TTC7B: variants seen among roughly 807,000 people sequenced by gnomAD.
TTC7B encodes the protein tetratricopeptide repeat protein 7B.
A neutral mutation model predicts 106.8 loss-of-function variants in TTC7B; 28 were observed. That is an observed-to-expected ratio of 0.26 (90% confidence interval 0.19 to 0.36). TTC7B has a LOEUF of 0.36. Ranked by LOEUF, TTC7B falls within the 10% of genes least tolerant of loss-of-function variation. The pLI, the probability that TTC7B is intolerant of heterozygous loss-of-function variation, is 1.00. For missense variants in TTC7B, 862 were observed against 1,076.4 expected, an observed-to-expected ratio of 0.80 and a Z score of 2.79; for synonymous variants, 405 against 430.6, an observed-to-expected ratio of 0.94 and a Z score of 0.74.
At chr14:90,669,741 C>T (rs569670836) in intron 9 of TTC7B, among the ~76,000 whole-genome samples, 1 of 152,286 alleles carries the variant, frequency 6.6e-6, no homozygotes, top group Admixed American at 6.5e-5. Context: ...CACATCACAC[C>T]TACCAGAATG....
Position 90,533,853 on chromosome 14 carries a change from G to C in TTC7B, c.*7515C>G, listed in dbSNP as rs1889348104. On this transcript the variant is annotated 3_prime_UTR_variant, in exon 20 of 20. Transcript: ENST00000328459. ...ACCACCTTCCTGCCACCTCTCCATAGTCAGCCCCACTCAGGGCTTGAGTGT... is the reference window on the plus strand; with the variant it reads ...ACCACCTTCCTGCCACCTCTCCATACTCAGCCCCACTCAGGGCTTGAGTGT... The C allele has an allele frequency of 6.6e-6, 1 of 152,448 alleles. No homozygotes were observed. Among genetic ancestry groups the C allele is most frequent in the South Asian group, 2.1e-4 (1 of 4,834 alleles). 9.4% of individuals were successfully genotyped at this position (152,448 alleles called of 1,614,324 possible). A position where few individuals can be genotyped will look rare whatever the true frequency, so the allele number is the denominator to read the frequency against.
chr14:90,620,142 C>A (rs1301321856), intron 15 of TTC7B, among the ~76,000 whole-genome samples: 1 of 152,028 alleles, frequency 6.6e-6, no homozygotes, highest in Non-Finnish European at 1.5e-5. Flanking sequence ...GCTGCAGCCT[C>A]CCCATGCCTG....
chr14:90,679,873 A>T (rs1399827956), intron 8 of TTC7B, among the ~76,000 whole-genome samples: 1 of 152,228 alleles, frequency 6.6e-6, no homozygotes, highest in Non-Finnish European at 1.5e-5. Context: ...GTTTCAAAGG[A>T]ATCAGAGGGT....
intron 9 of TTC7B, among the ~76,000 whole-genome samples, chr14:90,667,080 C>T (rs545280463): frequency 6.6e-6 from 1 of 152,242 alleles, no homozygotes; most frequent in Admixed American, 6.5e-5. Flanking sequence ...TTTTCAGTCT[C>T]TCTTCCCTGG....
At chr14:90,556,478 C>T (rs1298223823) in intron 19 of TTC7B, among the ~76,000 whole-genome samples, 1 of 152,132 alleles carries the variant, frequency 6.6e-6, no homozygotes. Context: ...TAACACAGCC[C>T]CTCTTGCTGG....
chr14:90,782,540 A>G (rs1303446863), intron 2 of TTC7B, among the ~76,000 whole-genome samples: 1 of 152,200 alleles, frequency 6.6e-6, no homozygotes, highest in Non-Finnish European at 1.5e-5. Context: ...CGGAGGTTGC[A>G]GTGAGCCAAG....
intron 17 of TTC7B, among the ~76,000 whole-genome samples, chr14:90,595,047 C>T (rs987773680): frequency 2.6e-5 from 4 of 152,210 alleles, no homozygotes; most frequent in Non-Finnish European, 4.4e-5. Context: ...TTAAAAGAGT[C>T]TAGTGGCCGG....
At chr14:90,685,527 A>G (rs1454655534) in intron 7 of TTC7B, among the ~76,000 whole-genome samples, 1 of 152,254 alleles carries the variant, frequency 6.6e-6, no homozygotes, top group Non-Finnish European at 1.5e-5. Flanking sequence ...AGAGAACAGA[A>G]TCACAACAGA....
chr14:90,531,153 C>T lies in TTC7B; in HGVS notation c.*10215G>A, dbSNP rs1889273055. 1 of 152,132 alleles carries T rather than the reference C, an allele frequency of 6.6e-6. No homozygotes were observed. The highest frequency in any genetic ancestry group is 1.5e-5 in the Non-Finnish European group (1 of 68,016). 9.4% of individuals were successfully genotyped at this position (152,132 alleles called of 1,614,324 possible). A position where few individuals can be genotyped will look rare whatever the true frequency, so the allele number is the denominator to read the frequency against. ...TAAAAAAGAAAGAAAAAATTGTATG[C>T]TGTTTTAAGCCACTATATTTGTGGC... On this transcript the variant is annotated 3_prime_UTR_variant, in exon 20 of 20. Coordinates refer to ENST00000328459, the MANE Select transcript of TTC7B (RefSeq NM_001010854.2).
intron 7 of TTC7B, among the ~76,000 whole-genome samples, chr14:90,685,942 ATTCTCCACAAACTCT>A (rs1384228743): frequency 1.3e-5 from 2 of 152,202 alleles, no homozygotes; most frequent in East Asian, 3.8e-4. Flanking sequence ...ATTAATACCA[ATTCTCCACAAACTCT>A]TTCAAAAAGA....
chr14:90,617,787 C>T (rs1595211217), intron 16 of TTC7B, 142 bp downstream of exon 16: 1 of 663,140 alleles, frequency 1.5e-6, no homozygotes, highest in Admixed American at 2.3e-5. Context: ...TGAAGCTCCA[C>T]TGCTATCATC....
At chr14:90,628,881 A>T (rs1342236041) in intron 15 of TTC7B, among the ~76,000 whole-genome samples, 2 of 152,270 alleles carry the variant, frequency 1.3e-5, no homozygotes, top group Non-Finnish European at 2.9e-5. Flanking sequence ...TGAAGGCAGC[A>T]CTTTTGTCCA....
intron 5 of TTC7B, among the ~76,000 whole-genome samples, chr14:90,716,599 TTG>T (rs1051955418): frequency 1.6e-4 from 24 of 152,118 alleles, no homozygotes; most frequent in Non-Finnish European, 8.8e-5. Context: ...TTGTTTGTTT[TTG>T]TGTGTGTGTA....
At chr14:90,650,108 C>T (rs1400943661) in intron 13 of TTC7B, among the ~76,000 whole-genome samples, 1 of 152,134 alleles carries the variant, frequency 6.6e-6, no homozygotes, top group African/African-American at 2.4e-5. Flanking sequence ...AGAGCTGAAC[C>T]AAGAATATAG....
At position 90,802,758 on chromosome 14, in the gene TTC7B, G is replaced by A. The variant is rs1595048959; in HGVS notation, c.121+13417C>T. Among the ~76,000 whole-genome samples, 2 of 152,146 alleles carry A rather than the reference G, an allele frequency of 1.3e-5. No individual in the cohort carries two copies. The highest frequency in any genetic ancestry group is 4.8e-5 in the African/African-American group (2 of 41,434). ...CCAGGGACGCTGCTGCGCAGGTGCA[G>A]GCGTGGAGAGGCAGAGAGCCGGGTG... On this transcript the variant is annotated intron_variant, in intron 1 of 19. Transcript: ENST00000328459. The surrounding 1 kb of genome is among the most constrained non-coding windows in gnomAD (Gnocchi z 4.7).
chr14:90,668,969 C>T (rs975214108), intron 9 of TTC7B, among the ~76,000 whole-genome samples: 6 of 150,540 alleles, frequency 4.0e-5, no homozygotes, highest in Admixed American at 3.3e-4. Context: ...AAGCTTACTA[C>T]TAAGCTACAG....
At chr14:90,763,361 GA>G (rs1890565522) in intron 3 of TTC7B, among the ~76,000 whole-genome samples, 1 of 152,112 alleles carries the variant, frequency 6.6e-6, no homozygotes, top group Admixed American at 6.5e-5. Context: ...ACTAGAAATA[GA>G]AAAGAGCTTC....
chr14:90,595,825 T>C (rs1249567706), intron 17 of TTC7B, among the ~76,000 whole-genome samples: 1 of 152,226 alleles, frequency 6.6e-6, no homozygotes, highest in African/African-American at 2.4e-5. Flanking sequence ...GTGATTCCAA[T>C]GTGCCGCTAA....
chr14:90,526,638 T>C lies in TTC7B; in HGVS notation c.*14730A>G, dbSNP rs953903118. The C allele has an allele frequency of 2.0e-5, 3 of 152,142 alleles. No individual in the cohort carries two copies. Among genetic ancestry groups the C allele is most frequent in the Non-Finnish European group, 4.4e-5 (3 of 68,026 alleles). 9.4% of individuals were successfully genotyped at this position (152,142 alleles called of 1,614,324 possible). The stretch of plus-strand genomic sequence containing the variant: ...GTCATGGGAGGGACCCGGTGCAAGG[T>C]AATTGAATCATGGGGGTGGCTACCC... On this transcript the variant is annotated 3_prime_UTR_variant, in exon 20 of 20. Transcript: ENST00000328459.
Sources: allele counts gnomAD v4.1 joint callset (sites outside exome capture counted in the v4.1 genomes callset), GRCh38; gene constraint gnomAD v4.1.1; non-coding constraint Gnocchi (gnomAD v3.1); transcripts MANE v1.5; gene names NCBI Gene and HGNC (gene_info 2026-07-23, HGNC 2026-07-21).